Variants in TPO observed in about 807,000 individuals in gnomAD.
TPO encodes thyroid microsomal antigen.
In TPO, 78 loss-of-function variants were observed where a neutral mutation model predicts 96.9. The ratio of observed to expected loss-of-function variants is 0.81; its 90% confidence interval spans 0.67 to 0.97. The LOEUF (loss-of-function observed/expected upper bound fraction) is 0.97. Among genes scored for constraint, TPO ranks in the 50% least tolerant of loss-of-function variants. The pLI, the probability that TPO is intolerant of heterozygous loss-of-function variation, is 0.00. For missense variants in TPO, 1,252 were observed against 1,274.8 expected (o/e 0.98, Z 0.27); for synonymous variants, 547 against 538.0 (o/e 1.02, Z -0.23).
chr2:1,387,954 T>G (rs935883567), intron 1 of TPO, among the ~76,000 whole-genome samples: 2 of 152,232 alleles, frequency 1.3e-5, no homozygotes, highest in Admixed American at 1.3e-4. Context: ...TGCAGGTCTG[T>G]TGGAGTTTGC....
chr2:1,397,384 T>G (rs1662097033), intron 1 of TPO, among the ~76,000 whole-genome samples: 1 of 152,132 alleles, frequency 6.6e-6, no homozygotes, highest in Non-Finnish European at 1.5e-5. Flanking sequence ...GAGGATGCCT[T>G]CCCTGAGTGC....
intron 5 of TPO, among the ~76,000 whole-genome samples, chr2:1,443,575 C>T (rs528384000): frequency 1.4e-5 from 2 of 147,762 alleles, no homozygotes; most frequent in Admixed American, 1.3e-4. Flanking sequence ...GGGCAGGCTC[C>T]TTCTTGTTTG....
intron 5 of TPO, among the ~76,000 whole-genome samples, chr2:1,442,455 T>A (rs1052521855): frequency 3.3e-5 from 5 of 152,208 alleles, no homozygotes; most frequent in Non-Finnish European, 5.9e-5. Context: ...ATATGATTAT[T>A]CATAAGCAGA....
Position 1,493,928 on chromosome 2 carries a change from T to G in TPO, c.1895T>G (p.Ile632Ser). 6.2e-7 allele frequency: 1 copy of G among 1,614,092 alleles called. No homozygotes were observed. Among genetic ancestry groups the G allele is most frequent in the Non-Finnish European group, 8.5e-7 (1 of 1,180,028 alleles). ...ILDLYKHPDN[I>S]DVWLGGLAEN... Reference sequence around the variant, plus strand: ...GACTTGTACAAGCATCCTGACAACATCGATGTCTGGCTGGGAGGCTTAGCT... The same window carrying G: ...GACTTGTACAAGCATCCTGACAACAGCGATGTCTGGCTGGGAGGCTTAGCT... The change falls in exon 11 of 17, where the codon ATC (isoleucine) becomes AGC (serine). Residue 632 changes from isoleucine to serine, a missense_variant. Coordinates refer to ENST00000329066, the MANE Select transcript of TPO (RefSeq NM_001206744.2).
chr2:1,425,626 A>G (rs1165120644), intron 3 of TPO, among the ~76,000 whole-genome samples: 1 of 151,578 alleles, frequency 6.6e-6, no homozygotes, highest in African/African-American at 2.4e-5. Flanking sequence ...GAGATGCATT[A>G]GATCATTTCA....
intron 13 of TPO, among the ~76,000 whole-genome samples, chr2:1,498,805 A>C (rs3755553): frequency 0.49 from 74,203 of 151,966 alleles, 19,253 homozygotes; most frequent in African/African-American, 0.68. Context: ...TGCCACTGAC[A>C]CTTCAGTGAC....
intron 14 of TPO, among the ~76,000 whole-genome samples, chr2:1,515,117 T>C (rs1674547658): frequency 6.6e-6 from 1 of 152,214 alleles, no homozygotes; most frequent in Non-Finnish European, 1.5e-5. Context: ...CTGACTGCCC[T>C]GACCTGGCCT....
chr2:1,502,490 A>G (rs1275463393), intron 13 of TPO, among the ~76,000 whole-genome samples: 4 of 152,086 alleles, frequency 2.6e-5, no homozygotes, highest in Non-Finnish European at 4.4e-5. Flanking sequence ...CCTGAGCTCA[A>G]GTGATTCTCC....
intron 15 of TPO, among the ~76,000 whole-genome samples, chr2:1,528,562 C>T (rs1284680914): frequency 6.8e-6 from 1 of 146,234 alleles, no homozygotes; most frequent in African/African-American, 2.6e-5. Flanking sequence ...TCTTTGCAAA[C>T]TCCCCAAATC....
At chr2:1,414,073 T>A (rs545542686) in intron 1 of TPO, among the ~76,000 whole-genome samples, 1 of 152,326 alleles carries the variant, frequency 6.6e-6, no homozygotes, top group African/African-American at 2.4e-5. Context: ...TCATTCCCAA[T>A]AATTATTCCC....
At chr2:1,529,988 G>T (rs1677692089) in intron 15 of TPO, among the ~76,000 whole-genome samples, 1 of 120,992 alleles carries the variant, frequency 8.3e-6, no homozygotes, top group Non-Finnish European at 1.6e-5. Flanking sequence ...CTCACTGTGT[G>T]CAACCTCGCC....
In TPO at chr2:1,477,514, C is replaced by A; in HGVS notation, c.1248C>A (p.Arg416=). 6.5e-7 allele frequency: 1 copy of A among 1,532,662 alleles called. No individual in the cohort carries two copies. The highest frequency in any genetic ancestry group is 8.7e-7 in the Non-Finnish European group (1 of 1,144,892). 94.9% of individuals were successfully genotyped at this position (1,532,662 alleles called of 1,614,324 possible). A position where few individuals can be genotyped will look rare whatever the true frequency, so the allele number is the denominator to read the frequency against. Reference sequence around the variant, plus strand: ...CGCTGTGGCTGCGCGAGCACAACCGCCTGGCCGCGGCGCTCAAGGCCCTCA... The same window carrying A: ...CGCTGTGGCTGCGCGAGCACAACCGACTGGCCGCGGCGCTCAAGGCCCTCA... ...LHTLWLREHN[R]LAAALKALNA... is the part of the protein sequence containing the mutation. The change falls in exon 8 of 17, where the codon CGC becomes CGA. Residue 416 remains arginine, a synonymous_variant. Coordinates refer to ENST00000329066, the MANE Select transcript of TPO (RefSeq NM_001206744.2).
intron 3 of TPO, among the ~76,000 whole-genome samples, chr2:1,428,606 CA>C (rs1349930926): frequency 1.3e-5 from 2 of 152,122 alleles, no homozygotes; most frequent in Non-Finnish European, 2.9e-5. Context: ...GGGTGCCAGG[CA>C]AAAGAAGGGA....
intron 2 of TPO, 84 bp downstream of exon 2, chr2:1,414,586 C>G (rs771580551): frequency 2.3e-6 from 3 of 1,294,634 alleles, no homozygotes; most frequent in Non-Finnish European, 3.3e-6. Context: ...ATGGTAGCTC[C>G]TGAGAGTCAC....
intron 14 of TPO, among the ~76,000 whole-genome samples, chr2:1,514,157 G>C (rs1374482547): frequency 1.3e-5 from 2 of 152,192 alleles, no homozygotes; most frequent in East Asian, 3.9e-4. Context: ...GCTGCAATGA[G>C]ATGTCCCAGC....
chr2:1,437,247 C>T (rs1245711922), intron 5 of TPO, among the ~76,000 whole-genome samples: 2 of 152,132 alleles, frequency 1.3e-5, no homozygotes, highest in Non-Finnish European at 1.5e-5. Flanking sequence ...GGAGAGCAGC[C>T]GGGATTGTGG....
At chr2:1,522,105 C>G (rs570332890) in intron 15 of TPO, among the ~76,000 whole-genome samples, 4 of 151,522 alleles carry the variant, frequency 2.6e-5, no homozygotes, top group African/African-American at 9.7e-5. Flanking sequence ...CGTGCCCTGG[C>G]AGTCTCTCTA....
intron 14 of TPO, among the ~76,000 whole-genome samples, chr2:1,516,018 C>T (rs1450478096): frequency 6.6e-6 from 1 of 152,226 alleles, no homozygotes; most frequent in Non-Finnish European, 1.5e-5. Flanking sequence ...GGTAATAAAA[C>T]TGTGGTCAAA....
intron 15 of TPO, among the ~76,000 whole-genome samples, chr2:1,527,837 G>GCAACCTCCTCAAATCCCCGTACTGTGTT (rs1558414252): frequency 7.3e-6 from 1 of 137,038 alleles, no homozygotes; most frequent in Non-Finnish European, 1.5e-5. Context: ...CATACTGTGT[G>GCAACCTCCTCAAATCCCCGTACTGTGTT]CAACCTCCTC....
Sources: allele counts gnomAD v4.1 joint callset (sites outside exome capture counted in the v4.1 genomes callset), GRCh38; gene constraint gnomAD v4.1.1; transcripts MANE v1.5; gene names NCBI Gene and HGNC (gene_info 2026-07-23, HGNC 2026-07-21).